The following ALK variants were observed in gnomAD, a reference collection of about 807,000 sequenced individuals.
ALK encodes ALK tyrosine kinase receptor.
In ALK, 74 loss-of-function variants were observed where a neutral mutation model predicts 163.1. That is an observed-to-expected ratio of 0.45 (90% CI 0.38 to 0.55). The LOEUF (loss-of-function observed/expected upper bound fraction) is 0.55. Among genes scored for constraint, ALK ranks in the 20% least tolerant of loss-of-function variants. ALK has a pLI of 0.00. For missense variants in ALK, 2,063 were observed against 2,105.3 expected (o/e 0.98, Z 0.39); for synonymous variants, 960 against 843.2 (o/e 1.14, Z -2.40).
intron 8 of ALK, among the ~76,000 whole-genome samples, chr2:29,307,525 G>T (rs913940648): frequency 4.6e-5 from 7 of 152,196 alleles, no homozygotes; most frequent in Non-Finnish European, 1.0e-4. Context: ...CTGTATGGGG[G>T]TTAAGGCTCT....
chr2:29,222,819 C>T (rs1176645876), intron 20 of ALK, among the ~76,000 whole-genome samples: 1 of 152,190 alleles, frequency 6.6e-6, no homozygotes, highest in Non-Finnish European at 1.5e-5. Context: ...GGATTCCAAC[C>T]AGGGACTCAT....
At chr2:29,599,734 G>GAT (rs773907228) in intron 3 of ALK, among the ~76,000 whole-genome samples, 7 of 152,330 alleles carry the variant, frequency 4.6e-5, no homozygotes, top group Middle Eastern at 6.8e-3. Flanking sequence ...AGAGTTAATA[G>GAT]ATATATATCC....
At chr2:29,761,472 G>T (rs1046943579) in intron 1 of ALK, among the ~76,000 whole-genome samples, 1 of 152,160 alleles carries the variant, frequency 6.6e-6, no homozygotes, top group African/African-American at 2.4e-5. Context: ...AATCTTGAGG[G>T]CAGCATGACC....
At chr2:29,222,460 C>T (rs2148168933) in intron 21 of ALK, 52 bp from the exon 22 acceptor site, 1 of 1,612,340 alleles carries the variant, frequency 6.2e-7, no homozygotes, top group Non-Finnish European at 8.5e-7. Flanking sequence ...GAGCTGAGAA[C>T]TGCAGCCTAC....
intron 2 of ALK, among the ~76,000 whole-genome samples, chr2:29,711,332 G>A (rs151118079): frequency 6.6e-6 from 1 of 152,196 alleles, no homozygotes; most frequent in Non-Finnish European, 1.5e-5. Flanking sequence ...TAGAGTCCAA[G>A]GTCCAGTTCA....
In ALK at chr2:29,486,548, G is replaced by A. The variant is rs1016418153; in HGVS notation, c.1154+45367C>T. On this transcript the variant is annotated intron_variant, in intron 4 of 28. Transcript: ENST00000389048. ...TCAGCACATTTTGAAGATCAATGAC[G>A]TCTTGAAGTCAGCCATTAACTGCAA... Among the ~76,000 whole-genome samples, 7 of 152,262 alleles carry A rather than the reference G, an allele frequency of 4.6e-5. 2 individuals are homozygous for A. In the South Asian group the frequency reaches 6.2e-4, roughly 14 times the overall value.
chr2:29,457,346 A>G (rs1221121260), intron 4 of ALK, among the ~76,000 whole-genome samples: 2 of 152,128 alleles, frequency 1.3e-5, no homozygotes, highest in African/African-American at 4.8e-5. Context: ...AGTAAACCGG[A>G]AGGGATGAGC....
intron 1 of ALK, among the ~76,000 whole-genome samples, chr2:29,850,879 C>T (rs540706160): frequency 1.2e-3 from 180 of 152,334 alleles, no homozygotes; most frequent in African/African-American, 3.9e-3. Flanking sequence ...TACCCACCCT[C>T]TAAGCCACTG....
chr2:29,621,825 G>A (rs750464926), intron 3 of ALK, among the ~76,000 whole-genome samples: 1 of 152,158 alleles, frequency 6.6e-6, no homozygotes, highest in African/African-American at 2.4e-5. Flanking sequence ...ATCATTGTGC[G>A]AATGAGTTTG....
chr2:29,395,546 G>A (rs1669282476), intron 4 of ALK, among the ~76,000 whole-genome samples: 1 of 152,202 alleles, frequency 6.6e-6, no homozygotes, highest in Non-Finnish European at 1.5e-5. Context: ...ACATTGGAGG[G>A]TCTTCAGAAG....
chr2:29,905,201 A>G (rs1007525252), intron 1 of ALK, among the ~76,000 whole-genome samples: 1 of 152,174 alleles, frequency 6.6e-6, no homozygotes, highest in Non-Finnish European at 1.5e-5. Context: ...CTTCTACTCT[A>G]TTCTGATTTT....
At chr2:29,583,046 T>TTTTTTG (rs575443266) in intron 3 of ALK, among the ~76,000 whole-genome samples, 4 of 149,776 alleles carry the variant, frequency 2.7e-5, no homozygotes, top group African/African-American at 7.4e-5. Flanking sequence ...TTTTTTGTTT[T>TTTTTTG]TTTGTTTTTT....
chr2:29,252,487 A>G (rs186355646), intron 11 of ALK, among the ~76,000 whole-genome samples: 127 of 152,294 alleles, frequency 8.3e-4, no homozygotes, highest in African/African-American at 2.8e-3. Flanking sequence ...AATTACGTAA[A>G]TGTGAAAGGT....
At chr2:29,327,266 C>T (rs1667295230) in intron 6 of ALK, among the ~76,000 whole-genome samples, 1 of 152,236 alleles carries the variant, frequency 6.6e-6, no homozygotes, top group Non-Finnish European at 1.5e-5. Flanking sequence ...TCATTCTTTC[C>T]TCTCATCAAT....
chr2:29,379,894 T>A (rs1169269574), intron 5 of ALK, among the ~76,000 whole-genome samples: 3 of 152,286 alleles, frequency 2.0e-5, no homozygotes, highest in Admixed American at 2.0e-4. Context: ...ATTGTGTTAG[T>A]CCATTCTCAC....
In ALK at chr2:29,673,499, G is replaced by A. The variant is rs1269758235; in HGVS notation, c.952+21351C>T. On this transcript the variant is annotated intron_variant, in intron 3 of 28. Coordinates refer to ENST00000389048, the MANE Select transcript of ALK (RefSeq NM_004304.5). ...GATCAGATAGTTGTAGATATGCGGC[G>A]TTATTTCTGAGGGCTCTGTTCTGTT... Among the ~76,000 whole-genome samples, 14 of 94,860 alleles carry A rather than the reference G, an allele frequency of 1.5e-4. 1 individual carries two copies. Among genetic ancestry groups the A allele is most frequent in the East Asian group, 8.0e-4 (3 of 3,728 alleles). The allele number at this position is 94,860 out of a possible 152,430, so 62.2% of individuals were successfully genotyped here.
intron 3 of ALK, among the ~76,000 whole-genome samples, chr2:29,637,959 G>A (rs1020496508): frequency 5.3e-5 from 8 of 151,836 alleles, no homozygotes; most frequent in Admixed American, 2.0e-4. Flanking sequence ...AATTAAACCC[G>A]ATACAGAATT....
chr2:29,544,145 G>T (rs1259338324), intron 3 of ALK, among the ~76,000 whole-genome samples: 1 of 152,192 alleles, frequency 6.6e-6, no homozygotes, highest in African/African-American at 2.4e-5. Flanking sequence ...GAGGTTTAAT[G>T]GGTTGGAATC....
rs114485219 is a variant in ALK at position 29,653,738 on chromosome 2, G to C, written c.952+41112C>G. Among the ~76,000 whole-genome samples, 1,418 of 152,200 alleles carry C rather than the reference G, an allele frequency of 9.3e-3. 23 individuals carry two copies. Among genetic ancestry groups the C allele is most frequent in the African/African-American group, 0.032 (1,343 of 41,548 alleles). ...TGAGGAAGAGGTGATTCAAAATAGG[G>C]AGATAGAGAAGATGAGAAAAAGTAG... On this transcript the variant is annotated intron_variant, in intron 3 of 28. Coordinates refer to ENST00000389048, the MANE Select transcript of ALK (RefSeq NM_004304.5).
Sources: allele counts gnomAD v4.1 joint callset (sites outside exome capture counted in the v4.1 genomes callset), GRCh38; gene constraint gnomAD v4.1.1; transcripts MANE v1.5; gene names NCBI Gene and HGNC (gene_info 2026-07-23, HGNC 2026-07-21).